SCG3: variants seen among roughly 807,000 people sequenced by gnomAD.
The protein encoded by SCG3 is secretogranin III.
Under a neutral mutation model 56.2 loss-of-function variants are expected in SCG3, and 38 were observed. The ratio of observed to expected loss-of-function variants is 0.68; its 90% CI spans 0.52 to 0.89. The LOEUF (loss-of-function observed/expected upper bound fraction) is 0.89. Among genes scored for constraint, SCG3 ranks in the 40% least tolerant of loss-of-function variants. The probability of loss-of-function intolerance (pLI) is 0.00; values close to 1 mark genes in which losing one functional copy is unlikely to be tolerated. For missense variants in SCG3, 524 were observed against 540.7 expected, an observed-to-expected ratio of 0.97 and a Z score of 0.31; for synonymous variants, 176 against 184.2, an observed-to-expected ratio of 0.96 and a Z score of 0.36.
chr15:51,706,937 T>A (rs2055380149), intron 10 of SCG3, among the ~76,000 whole-genome samples: 1 of 152,208 alleles, frequency 6.6e-6, no homozygotes, highest in South Asian at 2.1e-4. Context: ...TTCCTAAGTT[T>A]ATGGATATGC....
At chr15:51,690,592 G>T (rs1333683938) in intron 6 of SCG3, among the ~76,000 whole-genome samples, 4 of 149,042 alleles carry the variant, frequency 2.7e-5, no homozygotes, top group Admixed American at 2.7e-4. Context: ...CTCACCAGCT[G>T]CCATCTTTTA....
chr15:51,705,729 C>T (rs2055371112), intron 10 of SCG3, among the ~76,000 whole-genome samples: 1 of 152,106 alleles, frequency 6.6e-6, no homozygotes, highest in Non-Finnish European at 1.5e-5. Flanking sequence ...ACCATGTTGG[C>T]CAGGCTGGTC....
chr15:51,689,793 T>A (rs1431737288), intron 6 of SCG3, among the ~76,000 whole-genome samples: 1 of 149,896 alleles, frequency 6.7e-6, no homozygotes, highest in Non-Finnish European at 1.5e-5. Flanking sequence ...TCTCAAAAAA[T>A]TAATTAATTA....
intron 10 of SCG3, among the ~76,000 whole-genome samples, chr15:51,712,681 T>C (rs1449181335): frequency 6.6e-6 from 1 of 152,190 alleles, no homozygotes; most frequent in East Asian, 1.9e-4. Context: ...AGTAGGTGCA[T>C]GAGTGATGCC....
At chr15:51,709,611 C>T (rs537664101) in intron 10 of SCG3, among the ~76,000 whole-genome samples, 1 of 104,272 alleles carries the variant, frequency 9.6e-6, no homozygotes, top group East Asian at 3.5e-4. Context: ...TCAAGTCTCT[C>T]AAATAAATCA....
chr15:51,697,480 T>C (rs1042667506), intron 8 of SCG3, among the ~76,000 whole-genome samples: 1 of 152,222 alleles, frequency 6.6e-6, no homozygotes, highest in African/African-American at 2.4e-5. Flanking sequence ...ATTTAAAATC[T>C]AGTTTCTCAG....
intron 8 of SCG3, among the ~76,000 whole-genome samples, chr15:51,697,044 A>G (rs1012649632): frequency 3.9e-5 from 6 of 152,246 alleles, no homozygotes; most frequent in African/African-American, 1.2e-4. Context: ...AAGTCATTCA[A>G]TGCAAAAAAT....
intron 7 of SCG3, among the ~76,000 whole-genome samples, chr15:51,695,022 C>T (rs1299358831): frequency 2.0e-5 from 3 of 147,446 alleles, no homozygotes; most frequent in Admixed American, 2.0e-4. Flanking sequence ...CAGAGTGAGA[C>T]TCTATCTCAA....
chr15:51,691,188 A>G (rs939419727), intron 6 of SCG3, among the ~76,000 whole-genome samples: 2 of 152,208 alleles, frequency 1.3e-5, no homozygotes, highest in Non-Finnish European at 2.9e-5. Flanking sequence ...AACTGAAACA[A>G]GCACAGTGTT....
At chr15:51,698,645 C>T (rs1030291654) in intron 8 of SCG3, among the ~76,000 whole-genome samples, 3 of 152,184 alleles carry the variant, frequency 2.0e-5, no homozygotes, top group African/African-American at 7.2e-5. Flanking sequence ...TTGCGAATTC[C>T]ACCAACAGTG....
intron 10 of SCG3, among the ~76,000 whole-genome samples, chr15:51,709,154 T>G (rs978304163): frequency 1.3e-5 from 2 of 152,146 alleles, no homozygotes; most frequent in African/African-American, 4.8e-5. Flanking sequence ...AAACAAGTCC[T>G]CCTTCACATG....
chr15:51,689,148 T>A, intron 5 of SCG3, 71 bp from the exon 6 acceptor site: 1 of 1,472,730 alleles, frequency 6.8e-7, no homozygotes, highest in Non-Finnish European at 9.4e-7. Context: ...GACTACAGTT[T>A]AGTCCACATT....
chr15:51,683,799 AG>A, intron 4 of SCG3, among the ~76,000 whole-genome samples: 1 of 152,344 alleles, frequency 6.6e-6, no homozygotes, highest in East Asian at 1.9e-4. Flanking sequence ...TGCACAAAAA[AG>A]GTGAAATATC....
chr15:51,700,829 C>A (rs1046089471), intron 9 of SCG3, among the ~76,000 whole-genome samples: 1 of 110,406 alleles, frequency 9.1e-6, no homozygotes, highest in African/African-American at 3.6e-5. Flanking sequence ...AATACCAAAT[C>A]AGAATTCAGA....
intron 6 of SCG3, among the ~76,000 whole-genome samples, chr15:51,689,769 A>G (rs1324506331): frequency 1.3e-5 from 2 of 152,120 alleles, no homozygotes; most frequent in African/African-American, 4.8e-5. Context: ...TCTGGGTGAC[A>G]GAGTGAGACC....
At chr15:51,704,244 C>CATATATATAT (rs750951935) in intron 10 of SCG3, among the ~76,000 whole-genome samples, 1,154 of 73,376 alleles carry the variant, frequency 0.016, 24 homozygotes, top group African/African-American at 0.028. Context: ...TACATACATA[C>CATATATATAT]ATATATATAT....
intron 6 of SCG3, among the ~76,000 whole-genome samples, chr15:51,690,623 C>A (rs1362529758): frequency 6.9e-6 from 1 of 144,958 alleles, no homozygotes; most frequent in Non-Finnish European, 1.5e-5. Flanking sequence ...TGAAGATTCA[C>A]CCACTCAAAA....
chr15:51,719,504 A>G lies in SCG3; in HGVS notation c.1385A>G (p.Lys462Arg), dbSNP rs757750228. 4 of 1,613,962 alleles carry G rather than the reference A, an allele frequency of 2.5e-6. No individual in the cohort carries two copies. Among genetic ancestry groups the G allele is most frequent in the Admixed American group, 1.7e-5 (1 of 60,012 alleles). ...ILDKEEAEAIKRIYSSL is the reference protein window; with the variant it reads ...ILDKEEAEAIRRIYSSL ...GACAAGGAAGAAGCCGAGGCCATCA[A>G]GCGCATTTATAGCAGCCTGTAAAAA... Residue 462 changes from lysine to arginine, a missense_variant, in exon 12 of 12, where the codon AAG becomes AGG. Transcript: ENST00000220478.
rs1188383827 is a variant in SCG3 at position 51,688,298 on chromosome 15, T to G, written c.436T>G (p.Leu146Val). 6.2e-7 allele frequency: 1 copy of G among 1,613,922 alleles called. No individual in the cohort carries two copies. The highest frequency in any genetic ancestry group is 1.1e-5 in the South Asian group (1 of 91,060). The stretch of plus-strand genomic sequence containing the variant: ...TCTTCATCAACTAGACGGGACTCCT[T>G]TAACCGCTGAAGACATTGTCCATAA... Reference protein sequence around the residue: ...DGLHQLDGTPLTAEDIVHKIA... With the variant: ...DGLHQLDGTPVTAEDIVHKIA... Residue 146 changes from leucine to valine, a missense_variant, in exon 5 of 12, where the codon TTA (leucine) becomes GTA (valine). Transcript: ENST00000220478.
Sources: allele counts gnomAD v4.1 joint callset (sites outside exome capture counted in the v4.1 genomes callset), GRCh38; gene constraint gnomAD v4.1.1; transcripts MANE v1.5; gene names NCBI Gene and HGNC (gene_info 2026-07-23, HGNC 2026-07-21).